Variants in KHDRBS2 observed in about 807,000 individuals in gnomAD.
The protein encoded by KHDRBS2 is KH RNA binding domain containing, signal transduction associated 2.
KHDRBS2 carries 26 observed loss-of-function variants against 44.3 expected under a neutral mutation model. The ratio of observed to expected loss-of-function variants is 0.59; its 90% CI spans 0.43 to 0.81. The LOEUF is 0.81. KHDRBS2 is among the 40% of genes least tolerant of loss of function. The pLI is 0.00. For synonymous variants in KHDRBS2, 194 were observed against 151.1 expected (o/e 1.28, Z -2.08); for missense variants, 476 against 433.1 (o/e 1.10, Z -0.88).
intron 2 of KHDRBS2, among the ~76,000 whole-genome samples, chr6:62,064,299 C>CA (rs1178547642): frequency 2.0e-5 from 3 of 149,888 alleles, no homozygotes; most frequent in African/African-American, 7.4e-5. Context: ...TCATATGGAA[C>CA]AAAAAAAGAG....
intron 7 of KHDRBS2, among the ~76,000 whole-genome samples, chr6:61,722,582 A>G (rs528999509): frequency 6.6e-6 from 1 of 152,282 alleles, no homozygotes; most frequent in East Asian, 1.9e-4. Flanking sequence ...TAGTTCTACT[A>G]AGTCACACAT....
chr6:61,839,676 A>G (rs113525727), intron 6 of KHDRBS2, among the ~76,000 whole-genome samples: 10 of 152,264 alleles, frequency 6.6e-5, no homozygotes, highest in Non-Finnish European at 1.3e-4. Context: ...TACAAAGTGA[A>G]GAGAATGTAG....
the KHDRBS2 span, among the ~76,000 whole-genome samples, chr6:61,587,820 G>A: frequency 6.6e-6 from 1 of 152,200 alleles, no homozygotes; most frequent in Non-Finnish European, 1.5e-5. Context: ...ACTGTCCCAT[G>A]CATACACATC....
chr6:62,213,280 T>G (rs1829398149), intron 1 of KHDRBS2, among the ~76,000 whole-genome samples: 1 of 152,014 alleles, frequency 6.6e-6, no homozygotes, highest in Non-Finnish European at 1.5e-5. Flanking sequence ...GAAGCAAGTT[T>G]GGGGGAGAAG....
chr6:61,750,256 G>A (rs560938302), intron 6 of KHDRBS2, among the ~76,000 whole-genome samples: 8 of 152,282 alleles, frequency 5.3e-5, no homozygotes, highest in Admixed American at 5.2e-4. Flanking sequence ...TCTGAGGAAG[G>A]CTCATGAATA....
At chr6:61,720,361 C>T (rs1205439254) in intron 7 of KHDRBS2, among the ~76,000 whole-genome samples, 1 of 152,084 alleles carries the variant, frequency 6.6e-6, no homozygotes, top group Non-Finnish European at 1.5e-5. Context: ...ACACTGACTT[C>T]CACAATGGTT....
chr6:61,883,731 T>C (rs1416922977), intron 6 of KHDRBS2, among the ~76,000 whole-genome samples: 2 of 152,096 alleles, frequency 1.3e-5, no homozygotes, highest in Admixed American at 1.3e-4. Context: ...ATGTCCGTCC[T>C]ATAGTTTCAC....
intron 2 of KHDRBS2, among the ~76,000 whole-genome samples, chr6:62,110,210 T>C (rs2127382391): frequency 6.6e-6 from 1 of 152,176 alleles, no homozygotes; most frequent in East Asian, 1.9e-4. Flanking sequence ...TGAAAGAACT[T>C]CCATACATTG....
At chr6:61,930,035 G>A (rs1408432867) in intron 4 of KHDRBS2, among the ~76,000 whole-genome samples, 1 of 152,114 alleles carries the variant, frequency 6.6e-6, no homozygotes, top group Admixed American at 6.5e-5. Flanking sequence ...TGAAGGCAGA[G>A]CCTTCATGGA....
chr6:61,926,766 T>A (rs1378463600), intron 4 of KHDRBS2, among the ~76,000 whole-genome samples: 1 of 152,142 alleles, frequency 6.6e-6, no homozygotes, highest in Admixed American at 6.6e-5. Flanking sequence ...GAGTTTTTGG[T>A]GTCATTCACA....
At chr6:61,707,180 G>T (rs1158212139) in intron 7 of KHDRBS2, among the ~76,000 whole-genome samples, 2 of 150,318 alleles carry the variant, frequency 1.3e-5, no homozygotes, top group African/African-American at 4.9e-5. Context: ...TTGAGGGAGG[G>T]GTGTACTTAG....
intron 4 of KHDRBS2, among the ~76,000 whole-genome samples, chr6:61,944,949 G>A (rs1812894530): frequency 6.6e-6 from 1 of 150,708 alleles, no homozygotes; most frequent in African/African-American, 2.4e-5. Flanking sequence ...AAATAAGCCG[G>A]GTGTGGTGAC....
chr6:62,281,257 T>G (rs1841752359), intron 1 of KHDRBS2, among the ~76,000 whole-genome samples: 1 of 152,222 alleles, frequency 6.6e-6, no homozygotes, highest in African/African-American at 2.4e-5. Flanking sequence ...TTTATTTTAC[T>G]TATTTTCTCA....
At chr6:62,156,090 A>C (rs1816318254) in intron 2 of KHDRBS2, among the ~76,000 whole-genome samples, 1 of 152,194 alleles carries the variant, frequency 6.6e-6, no homozygotes, top group Non-Finnish European at 1.5e-5. Context: ...TGTAGTCAGA[A>C]AAAAATTCTT....
intron 2 of KHDRBS2, among the ~76,000 whole-genome samples, chr6:62,074,539 C>G (rs79031557): frequency 0.12 from 17,880 of 151,892 alleles, 1,365 homozygotes; most frequent in South Asian, 0.16. Flanking sequence ...ATAACAATTT[C>G]TGGTCACAAA....
intron 2 of KHDRBS2, among the ~76,000 whole-genome samples, chr6:62,058,427 A>T (rs191513900): frequency 6.6e-6 from 1 of 151,874 alleles, no homozygotes; most frequent in East Asian, 1.9e-4. Flanking sequence ...CTCCTTTTTA[A>T]TCAGTGGGAA....
At chr6:61,763,876 C>G (rs1222780742) in intron 6 of KHDRBS2, among the ~76,000 whole-genome samples, 1 of 152,148 alleles carries the variant, frequency 6.6e-6, no homozygotes, top group East Asian at 1.9e-4. Context: ...AGGTTTGTTA[C>G]ATAGGCAAAT....
chr6:61,936,356 G>A (rs999000442), intron 4 of KHDRBS2, among the ~76,000 whole-genome samples: 3 of 151,578 alleles, frequency 2.0e-5, no homozygotes, highest in African/African-American at 2.4e-5. Context: ...ATTTTTATTC[G>A]GCCCCATAGG....
intron 6 of KHDRBS2, among the ~76,000 whole-genome samples, chr6:61,801,597 G>C (rs965930638): frequency 3.9e-5 from 6 of 152,122 alleles, no homozygotes; most frequent in Non-Finnish European, 8.8e-5. Flanking sequence ...AAAGCAGACT[G>C]AAGGTGCCGC....
Sources: allele counts gnomAD v4.1 joint callset (sites outside exome capture counted in the v4.1 genomes callset), GRCh38; gene constraint gnomAD v4.1.1; transcripts MANE v1.5; gene names NCBI Gene and HGNC (gene_info 2026-07-23, HGNC 2026-07-21).